Variants in BCKDHB observed in about 807,000 individuals in gnomAD.
BCKDHB encodes branched chain keto acid dehydrogenase E1 subunit beta.
A neutral mutation model predicts 48.5 loss-of-function variants in BCKDHB; 41 were observed. That is an observed-to-expected ratio of 0.85 (90% CI 0.66 to 1.10). The LOEUF (loss-of-function observed/expected upper bound fraction) is 1.10. BCKDHB is among the 50% of genes least tolerant of loss of function. The probability of loss-of-function intolerance (pLI) is 0.00; values close to 1 mark genes in which losing one functional copy is unlikely to be tolerated. For missense variants in BCKDHB, 496 were observed against 494.2 expected, an observed-to-expected ratio of 1.00 and a Z score of -0.03; for synonymous variants, 201 against 174.8, an observed-to-expected ratio of 1.15 and a Z score of -1.18.
the BCKDHB span, among the ~76,000 whole-genome samples, chr6:80,410,974 G>A: frequency 2.0e-5 from 3 of 152,166 alleles, no homozygotes; most frequent in South Asian, 6.2e-4. Flanking sequence ...TCTCCATCCA[G>A]TTTTGTTCCA....
At chr6:80,455,870 G>A in the BCKDHB span, among the ~76,000 whole-genome samples, 2 of 152,134 alleles carry the variant, frequency 1.3e-5, no homozygotes, top group East Asian at 3.9e-4. Context: ...ATTGACGTTG[G>A]AGAGCAGGCA....
intron 8 of BCKDHB, among the ~76,000 whole-genome samples, chr6:80,271,313 C>G (rs902097086): frequency 6.6e-6 from 1 of 152,058 alleles, no homozygotes; most frequent in African/African-American, 2.4e-5. Flanking sequence ...GCATATTGGT[C>G]TATTTAGTCA....
At chr6:80,140,497 T>A (rs1222208938) in intron 3 of BCKDHB, among the ~76,000 whole-genome samples, 2 of 152,136 alleles carry the variant, frequency 1.3e-5, no homozygotes, top group Admixed American at 6.6e-5. Flanking sequence ...GAATTTATTG[T>A]GAGTTTTTAG....
intron 4 of BCKDHB, among the ~76,000 whole-genome samples, chr6:80,168,555 G>A (rs1772701945): frequency 8.1e-6 from 1 of 124,214 alleles, no homozygotes; most frequent in African/African-American, 3.1e-5. Flanking sequence ...GGGAGGGAGG[G>A]AGGAAGGAAG....
At chr6:80,428,564 C>A in the BCKDHB span, among the ~76,000 whole-genome samples, 2 of 152,176 alleles carry the variant, frequency 1.3e-5, no homozygotes, top group Non-Finnish European at 2.9e-5. Context: ...GAACACCATT[C>A]TAAGTGGTGT....
At chr6:80,299,030 A>G (rs1050637389) in intron 9 of BCKDHB, among the ~76,000 whole-genome samples, 7 of 151,758 alleles carry the variant, frequency 4.6e-5, no homozygotes, top group Non-Finnish European at 1.0e-4. Context: ...AACATCCCAT[A>G]GTGCCAAACC....
chr6:80,375,839 G>A, the BCKDHB span, among the ~76,000 whole-genome samples: 1 of 152,102 alleles, frequency 6.6e-6, no homozygotes, highest in Non-Finnish European at 1.5e-5. Context: ...TTTCCCATGG[G>A]GAGCTTGCTT....
At chr6:80,252,687 A>G (rs2127937520) in intron 8 of BCKDHB, among the ~76,000 whole-genome samples, 1 of 152,350 alleles carries the variant, frequency 6.6e-6, no homozygotes, top group East Asian at 1.9e-4. Context: ...AATATTTAAA[A>G]TAATCTAAAC....
intron 8 of BCKDHB, among the ~76,000 whole-genome samples, chr6:80,214,011 C>T (rs1775059669): frequency 1.3e-5 from 2 of 152,152 alleles, no homozygotes; most frequent in South Asian, 4.1e-4. Flanking sequence ...GCATTCTTTC[C>T]TCCCATCCTT....
intron 8 of BCKDHB, among the ~76,000 whole-genome samples, chr6:80,208,477 T>C (rs1436616689): frequency 6.6e-6 from 1 of 151,706 alleles, no homozygotes; most frequent in Non-Finnish European, 1.5e-5. Context: ...AGAGCAGAAA[T>C]TACTGAAATT....
At chr6:80,438,116 AG>A in the BCKDHB span, among the ~76,000 whole-genome samples, 1 of 152,356 alleles carries the variant, frequency 6.6e-6, no homozygotes, top group Admixed American at 6.5e-5. Flanking sequence ...AGGAATACAA[AG>A]GCAAATTGCA....
At chr6:80,392,871 T>TTC in the BCKDHB span, among the ~76,000 whole-genome samples, 6 of 150,012 alleles carry the variant, frequency 4.0e-5, no homozygotes, top group East Asian at 1.2e-3. Context: ...ACTTTTTTTT[T>TTC]TTTTTTTTTT....
rs1491059941 is a variant in BCKDHB at position 80,322,254 on chromosome 6, TTG to T, written c.1039-21409_1039-21408del. On this transcript the variant is annotated intron_variant, in intron 9 of 9. Coordinates refer to ENST00000320393, the MANE Select transcript of BCKDHB (RefSeq NM_183050.4). Reference sequence around the variant, plus strand: ...CTTTCTTTTCTTTTTTTTTTTTTTTTTGGTGACGGAGTCGCACTTTGTTGCCC... The same window carrying T: ...CTTTCTTTTCTTTTTTTTTTTTTTTTGTGACGGAGTCGCACTTTGTTGCCC... Among the ~76,000 whole-genome samples, 63 of 127,882 alleles carry T rather than the reference TTG, an allele frequency of 4.9e-4. 2 individuals carry two copies. The highest frequency in any genetic ancestry group is 1.2e-3 in the East Asian group (6 of 4,838). 83.9% of individuals were successfully genotyped at this position (127,882 alleles called of 152,430 possible). A position where few individuals can be genotyped will look rare whatever the true frequency, so the allele number is the denominator to read the frequency against.
At chr6:80,115,079 C>T (rs1769614841) in intron 1 of BCKDHB, among the ~76,000 whole-genome samples, 1 of 152,202 alleles carries the variant, frequency 6.6e-6, no homozygotes, top group African/African-American at 2.4e-5. Context: ...CCTTTCTTAT[C>T]ATGGATATGT....
intron 8 of BCKDHB, among the ~76,000 whole-genome samples, chr6:80,236,467 A>G (rs1350342971): frequency 2.6e-5 from 4 of 152,246 alleles, no homozygotes; most frequent in African/African-American, 9.6e-5. Flanking sequence ...TGGAAAAGTG[A>G]AAATTTTATC....
chr6:80,308,140 C>A (rs1000242108), intron 9 of BCKDHB, among the ~76,000 whole-genome samples: 4 of 151,904 alleles, frequency 2.6e-5, no homozygotes, highest in Non-Finnish European at 5.9e-5. Flanking sequence ...TAAGCAGTGG[C>A]TATTTTTTTT....
chr6:80,316,396 CT>C (rs1049848451), intron 9 of BCKDHB, among the ~76,000 whole-genome samples: 2 of 151,630 alleles, frequency 1.3e-5, no homozygotes, highest in Non-Finnish European at 2.9e-5. Flanking sequence ...TTTTCAAAGC[CT>C]TTTTTTCCTT....
intron 8 of BCKDHB, among the ~76,000 whole-genome samples, chr6:80,264,581 T>C (rs1357259239): frequency 2.6e-5 from 4 of 152,082 alleles, no homozygotes; most frequent in Admixed American, 2.6e-4. Context: ...TGAAGATTTT[T>C]CAGGAGAGGA....
At chr6:80,256,681 G>A in intron 8 of BCKDHB, among the ~76,000 whole-genome samples, 1 of 151,930 alleles carries the variant, frequency 6.6e-6, no homozygotes, top group East Asian at 1.9e-4. Context: ...GTTCTTCTTT[G>A]GTTCAGTTGC....
Sources: allele counts gnomAD v4.1 joint callset (sites outside exome capture counted in the v4.1 genomes callset), GRCh38; gene constraint gnomAD v4.1.1; transcripts MANE v1.5; gene names NCBI Gene and HGNC (gene_info 2026-07-23, HGNC 2026-07-21).